KIF1A: variants seen among roughly 807,000 people sequenced by gnomAD.
KIF1A encodes the protein kinesin family member 1A.
A neutral mutation model predicts 227.3 loss-of-function variants in KIF1A; 46 were observed. The observed-to-expected ratio is 0.20, with a 90% CI of 0.16 to 0.26. The LOEUF (loss-of-function observed/expected upper bound fraction) is 0.26, where lower values mean the gene tolerates loss of function less well. Among genes scored for constraint, KIF1A ranks in the 10% least tolerant of loss-of-function variants. KIF1A has a pLI of 1.00. For synonymous variants in KIF1A, 1,022 were observed against 1,012.8 expected (o/e 1.01, Z -0.17); for missense variants, 1,683 against 2,485.9 (o/e 0.68, Z 6.87).
rs558316200 is a variant in KIF1A at position 240,817,547 on chromosome 2, G to A, written c.-61+2575C>T. On this transcript the variant is annotated intron_variant, in intron 1 of 48. Transcript: ENST00000498729. ...TCCCAGCTCACTGATAGATGTGCAC[G>A]GATGGTCTCAGGCCTGACGGGATTG... 1.8e-3 allele frequency among the ~76,000 whole-genome samples: 270 copies of A among 152,314 alleles called. 1 individual carries two copies. The highest frequency in any genetic ancestry group is 5.3e-3 in the African/African-American group (219 of 41,568).
At chr2:240,745,336 G>A in intron 32 of KIF1A, 91 bp downstream of exon 32, 1 of 1,009,218 alleles carries the variant, frequency 9.9e-7, no homozygotes, top group South Asian at 1.3e-5. Context: ...CCCACAACTG[G>A]TGTTCAGAAG....
At position 240,726,879 on chromosome 2, in the gene KIF1A, G is replaced by C; in HGVS notation, c.4069C>G (p.Arg1357Gly). 6.2e-7 allele frequency: 1 copy of C among 1,612,708 alleles called. No homozygotes were observed. The highest frequency in any genetic ancestry group is 8.5e-7 in the Non-Finnish European group (1 of 1,179,490). ...SSMHNSLLLN[R>G]VTPYREKIYM... ...ATTTTCTCTCGATAAGGGGTGACCCGGTTCAGCAGGAGAGAGTTGTGCATG... is the reference window on the plus strand; with the variant it reads ...ATTTTCTCTCGATAAGGGGTGACCCCGTTCAGCAGGAGAGAGTTGTGCATG... Residue 1357 changes from arginine to glycine, a missense_variant, in exon 39 of 49, where the codon CGG becomes GGG. Transcript: ENST00000498729. The surrounding 1 kb of genome is among the most constrained non-coding windows in gnomAD (Gnocchi z 5.2).
chr2:240,720,672 C>G (rs1354988904), intron 45 of KIF1A: 1 of 363,696 alleles, frequency 2.7e-6, no homozygotes, highest in African/African-American at 2.1e-5. Flanking sequence ...ATTTTCCACC[C>G]ATTTCTGGTC....
rs780231754 is a variant in KIF1A, at chr2:240,718,168, T to A, written c.5215A>T (p.Thr1739Ser). 1 of 1,596,178 alleles carries A rather than the reference T, an allele frequency of 6.3e-7. No individual in the cohort carries two copies. The highest frequency in any genetic ancestry group is 1.7e-5 in the Admixed American group (1 of 57,896). The stretch of plus-strand genomic sequence containing the variant: ...GTGCACACCGCGAATGTGTTGGGTG[T>A]CTGCAGAGGGAGGCAGCTGGTGAGG... ...YSEDQQAMLK[T>S]PNTFAVCTEH... The change falls in exon 48 of 49, where the codon ACA becomes TCA. Residue 1739 changes from threonine to serine, a missense_variant and splice_region_variant. Around this residue, in one of 12 missense-constraint regions of KIF1A, gnomAD observed 384 missense variants for 410.1 expected, o/e 0.94. Coordinates refer to ENST00000498729, the MANE Select transcript of KIF1A (RefSeq NM_001244008.2).
At chr2:240,761,493 C>T in intron 23 of KIF1A, 116 bp from the exon 24 acceptor site, 1 of 935,056 alleles carries the variant, frequency 1.1e-6, no homozygotes, top group Non-Finnish European at 1.5e-6. Context: ...TAAGCTGACC[C>T]TGTGCTCTGT....
In KIF1A at chr2:240,740,160, G is replaced by A; in HGVS notation, c.3817-18C>T. Reference sequence around the variant, plus strand: ...TGGATGCCCTGCCGGTGCCAGGTGAGAGGATATGGTCAGACGGCTCAGGGG... The same window carrying A: ...TGGATGCCCTGCCGGTGCCAGGTGAAAGGATATGGTCAGACGGCTCAGGGG... On this transcript the variant is annotated intron_variant, in intron 36 of 48. Coordinates refer to ENST00000498729, the MANE Select transcript of KIF1A (RefSeq NM_001244008.2). This position sits in a 1 kb window ranked among gnomAD's most constrained non-coding sequence, Gnocchi z 6.1. 1.9e-6 allele frequency: 3 copies of A among 1,588,818 alleles called. No individual in the cohort carries two copies. Among genetic ancestry groups the A allele is most frequent in the South Asian group, 2.3e-5 (2 of 87,540 alleles).
chr2:240,783,164 G>T (rs751945598), intron 8 of KIF1A, 55 bp from the exon 9 acceptor site: 10 of 1,342,582 alleles, frequency 7.4e-6, no homozygotes, highest in Non-Finnish European at 9.6e-6. Flanking sequence ...GGGGCCTCCT[G>T]CTCTGGAGGG....
chr2:240,771,130 A>G, intron 14 of KIF1A, 26 bp from the exon 15 acceptor site: 1 of 1,613,146 alleles, frequency 6.2e-7, no homozygotes, highest in Non-Finnish European at 8.5e-7. Flanking sequence ...CAGGGGCTTC[A>G]TTCACCGTCC....
At chr2:240,723,134 C>T (rs571517593) in intron 42 of KIF1A, among the ~76,000 whole-genome samples, 33 of 152,344 alleles carry the variant, frequency 2.2e-4, no homozygotes, top group East Asian at 1.9e-3. Context: ...ACTCTCCTTC[C>T]GGGTCCCTTT....
intron 38 of KIF1A, among the ~76,000 whole-genome samples, chr2:240,735,675 C>G (rs2047228956): frequency 6.6e-6 from 1 of 152,210 alleles, no homozygotes; most frequent in East Asian, 1.9e-4. Flanking sequence ...AGCCCACACT[C>G]TGCAGGCAGC....
intron 10 of KIF1A, among the ~76,000 whole-genome samples, chr2:240,779,064 TCAG>T (rs1206454908): frequency 6.6e-6 from 1 of 150,508 alleles, no homozygotes. Context: ...AGTTCCACAC[TCAG>T]TTCCTCACAG....
At chr2:240,720,774 C>T in intron 45 of KIF1A, 140 bp downstream of exon 45, 1 of 1,046,684 alleles carries the variant, frequency 9.6e-7, no homozygotes, top group Non-Finnish European at 1.4e-6. Flanking sequence ...TCCTCCAGGC[C>T]CTTCCCTCAG....
In KIF1A at chr2:240,719,112, G is replaced by A; in HGVS notation, c.5108C>T (p.Pro1703Leu). 6.2e-7 allele frequency: 1 copy of A among 1,612,592 alleles called. No individual in the cohort carries two copies. Among genetic ancestry groups the A allele is most frequent in the Non-Finnish European group, 8.5e-7 (1 of 1,179,730 alleles). The part of the protein sequence containing the change: ...WARRFVVVRR[P>L]YAYMYNSDKD... ...GTCGCTGTTGTACATGTAGGCATAG[G>A]GGCGCCGCACCACCACGAAGCGCCT... The change falls in exon 47 of 49, where the codon CCC becomes CTC. Residue 1703 changes from proline (P) to leucine (L), a missense_variant. Transcript: ENST00000498729.
In KIF1A at chr2:240,788,025, G is replaced by GCCCCCCCCCCCCCCC; in HGVS notation, c.363+25_363+26insGGGGGGGGGGGGGGG. On this transcript the variant is annotated intron_variant, in intron 4 of 48. Transcript: ENST00000498729. This position sits in a 1 kb window ranked among gnomAD's most constrained non-coding sequence, Gnocchi z 6.6. ...TGGTCCCGCCCCATCTGCCAGGGCT[G>GCCCCCCCCCCCCCCC]CCCCCGCCCGCCCCCCGCTTCGTGC... is the stretch of plus-strand genomic sequence containing the variant. The GCCCCCCCCCCCCCCC allele has an allele frequency of 6.8e-7, 1 of 1,466,780 alleles. No homozygotes were observed. The allele number at this position is 1,466,780 out of a possible 1,614,324, so 90.9% of individuals were successfully genotyped here. A position where few individuals can be genotyped will look rare whatever the true frequency, so the allele number is the denominator to read the frequency against.
At chr2:240,786,221 C>T (rs893125744) in intron 6 of KIF1A, 114 bp downstream of exon 6, 21 of 1,060,368 alleles carry the variant, frequency 2.0e-5, no homozygotes, top group Middle Eastern at 2.7e-4. Context: ...CACACCTCCG[C>T]GGGGGCACAG....
chr2:240,725,259 C>T lies in KIF1A; in HGVS notation c.4256+12G>A. On this transcript the variant is annotated intron_variant, in intron 40 of 48. Transcript: ENST00000498729. This position sits in a 1 kb window ranked among gnomAD's most constrained non-coding sequence, Gnocchi z 5.8. ...GTGGGAGTCCATGTGGTCCTCACCC[C>T]TGGGAGCTTACCTCTCTGAGGCCCG... is the stretch of plus-strand genomic sequence containing the variant. 1 of 1,591,052 alleles carries T rather than the reference C, an allele frequency of 6.3e-7. No individual in the cohort carries two copies. The highest frequency in any genetic ancestry group is 8.6e-7 in the Non-Finnish European group (1 of 1,169,414).
intron 44 of KIF1A, among the ~76,000 whole-genome samples, chr2:240,721,394 G>T (rs912595262): frequency 2.6e-5 from 4 of 152,258 alleles, no homozygotes; most frequent in African/African-American, 9.6e-5. Flanking sequence ...GCCAGGGCTG[G>T]AGCTCCACGC....
intron 34 of KIF1A, 104 bp downstream of exon 34, chr2:240,742,825 G>A: frequency 9.4e-7 from 1 of 1,067,590 alleles, no homozygotes. Context: ...GGAGGGCACA[G>A]CCCAGTCACA....
intron 25 of KIF1A, among the ~76,000 whole-genome samples, chr2:240,760,339 C>T (rs749405094): frequency 2.6e-5 from 4 of 152,272 alleles, no homozygotes; most frequent in African/African-American, 4.8e-5. Context: ...CCTGTTCTGT[C>T]GGTGCCACAG....
Sources: gnomAD v4.1 joint callset for allele counts (sites outside exome capture counted in the v4.1 genomes callset) on GRCh38, gnomAD v4.1.1 for gene constraint, gnomAD v4.1.1 regional missense constraint, Gnocchi (gnomAD v3.1) non-coding constraint, MANE v1.5 for transcripts, NCBI Gene and HGNC (gene_info 2026-07-23, HGNC 2026-07-21) for gene names.